The following CWF19L1 variants were observed in gnomAD, a reference collection of about 807,000 sequenced individuals.
CWF19L1 encodes CWF19 like cell cycle control factor 1, also known as CWF19-like protein 1.
CWF19L1 carries 60 observed loss-of-function variants against 69.7 expected under a neutral mutation model. That is an observed-to-expected ratio of 0.86 (90% confidence interval 0.70 to 1.07). The LOEUF is 1.07. Ranked by LOEUF, CWF19L1 falls within the 50% of genes least tolerant of loss-of-function variation. CWF19L1 has a pLI of 0.00. For missense variants in CWF19L1, 591 were observed against 638.9 expected (o/e 0.92, Z 0.81); for synonymous variants, 209 against 222.2 (o/e 0.94, Z 0.53).
At chr10:100,253,584 A>G in intron 5 of CWF19L1, 45 bp from the exon 6 acceptor site, 1 of 1,030,854 alleles carries the variant, frequency 9.7e-7, no homozygotes. Flanking sequence ...AAAAGTTATC[A>G]AGAAATGCAA....
intron 12 of CWF19L1, among the ~76,000 whole-genome samples, chr10:100,236,121 T>A (rs991975504): frequency 2.0e-5 from 3 of 150,520 alleles, no homozygotes; most frequent in East Asian, 1.9e-4. Context: ...TTTTTTTTTT[T>A]AGAGACAGGG....
At chr10:100,261,137 C>A (rs565636646) in intron 2 of CWF19L1, 93 bp from the exon 3 acceptor site, 4 of 808,500 alleles carry the variant, frequency 4.9e-6, no homozygotes, top group East Asian at 2.8e-5. Context: ...TTAATAGTTT[C>A]AAATCAGTTT....
At chr10:100,251,742 A>G (rs964908686) in intron 6 of CWF19L1, among the ~76,000 whole-genome samples, 2 of 151,982 alleles carry the variant, frequency 1.3e-5, no homozygotes, top group Admixed American at 1.3e-4. Flanking sequence ...CGATCTCCTG[A>G]CCTCATGATC....
chr10:100,238,072 A>T lies in CWF19L1; in HGVS notation c.1204T>A (p.Trp402Arg), dbSNP rs756456791. The change falls in exon 11 of 14, where the codon TGG becomes AGG. Residue 402 changes from tryptophan to arginine, a missense_variant. By Grantham distance (101) the Trp-to-Arg change is moderately radical. Around this residue, in one of 3 missense-constraint regions of CWF19L1, gnomAD observed 458 missense variants for 489.3 expected, o/e 0.94. Coordinates refer to ENST00000354105, the MANE Select transcript of CWF19L1 (RefSeq NM_018294.6). Reference protein sequence around the residue: ...LRRFFKSRGKWCVVFERNYKS... With the variant: ...LRRFFKSRGKRCVVFERNYKS... ...TAATTTCTCTCAAATACAACACACC[A>T]TTTCCCTCGACTCTTAAAGAACCGT... 7 of 1,613,962 alleles carry T rather than the reference A, an allele frequency of 4.3e-6. No homozygotes were observed. The highest frequency in any genetic ancestry group is 5.9e-6 in the Non-Finnish European group (7 of 1,180,030).
Position 100,233,296 on chromosome 10 carries a change from T to C in CWF19L1, c.1548A>G (p.Glu516=), listed in dbSNP as rs373003829. The change falls in exon 14 of 14, where the codon GAA becomes GAG. Residue 516 remains glutamate, a synonymous_variant. Coordinates refer to ENST00000354105, the MANE Select transcript of CWF19L1 (RefSeq NM_018294.6). ...SDWRQCQISK[E]DEETLARRFR... ...AGCGGCGAGCCAGGGTCTCCTCGTC[T>C]TCCTTGCTGATCTGACACTGCCTCC... 1 of 1,613,992 alleles carries C rather than the reference T, an allele frequency of 6.2e-7. No individual in the cohort carries two copies. The highest frequency in any genetic ancestry group is 1.3e-5 in the African/African-American group (1 of 74,932).
intron 10 of CWF19L1, among the ~76,000 whole-genome samples, chr10:100,241,364 C>G (rs762147221): frequency 6.6e-6 from 1 of 152,104 alleles, no homozygotes; most frequent in Non-Finnish European, 1.5e-5. Context: ...GTGGAAACAA[C>G]ACAGGCAGAA....
chr10:100,253,669 T>C (rs535397861), intron 5 of CWF19L1, 130 bp from the exon 6 acceptor site: 15 of 585,452 alleles, frequency 2.6e-5, no homozygotes, highest in East Asian at 5.7e-5. Flanking sequence ...GAACTGCACA[T>C]TGAATTTCAT....
At chr10:100,251,897 TTC>T (rs1351340827) in intron 6 of CWF19L1, among the ~76,000 whole-genome samples, 2 of 152,196 alleles carry the variant, frequency 1.3e-5, no homozygotes, top group Non-Finnish European at 2.9e-5. Flanking sequence ...TTCCCAAAAC[TTC>T]TGTTTTCGCA....
At chr10:100,250,813 T>G (rs1252250528) in intron 6 of CWF19L1, among the ~76,000 whole-genome samples, 1 of 151,978 alleles carries the variant, frequency 6.6e-6, no homozygotes, top group Non-Finnish European at 1.5e-5. Flanking sequence ...CTGGGCATGG[T>G]GGTGCATACC....
At position 100,262,131 on chromosome 10, in the gene CWF19L1, C is replaced by T. The variant is rs149885165; in HGVS notation, c.24-68G>A. On this transcript the variant is annotated intron_variant, in intron 1 of 13. Coordinates refer to ENST00000354105, the MANE Select transcript of CWF19L1 (RefSeq NM_018294.6). Reference sequence around the variant, plus strand: ...ATGGGCCTGCCGGGTTTGGTATATACTGGTCTTTTGGATTAGATAGATACA... The same window carrying T: ...ATGGGCCTGCCGGGTTTGGTATATATTGGTCTTTTGGATTAGATAGATACA... 1,263 of 1,554,788 alleles carry T rather than the reference C, an allele frequency of 8.1e-4. 10 individuals carry two copies. In the African/African-American group the frequency reaches 0.015, roughly 18 times the overall value.
intron 1 of CWF19L1, among the ~76,000 whole-genome samples, chr10:100,263,270 G>C (rs1847465907): frequency 6.6e-6 from 1 of 152,074 alleles, no homozygotes; most frequent in South Asian, 2.1e-4. Flanking sequence ...CTTTCTCCAA[G>C]TTTTCTTAAC....
chr10:100,236,372 G>A (rs934305873), intron 12 of CWF19L1, among the ~76,000 whole-genome samples: 32 of 152,048 alleles, frequency 2.1e-4, no homozygotes, highest in African/African-American at 7.7e-4. Flanking sequence ...GCCTCCCAAA[G>A]TGTTGGATTA....
chr10:100,253,043 A>G (rs1330255636), intron 6 of CWF19L1, among the ~76,000 whole-genome samples: 1 of 152,126 alleles, frequency 6.6e-6, no homozygotes, highest in East Asian at 1.9e-4. Flanking sequence ...GGGGCTCCCT[A>G]TGTTGCCCAG....
chr10:100,255,715 A>C (rs1255290302), intron 5 of CWF19L1, among the ~76,000 whole-genome samples: 1 of 149,242 alleles, frequency 6.7e-6, no homozygotes. Context: ...GTGAGCAGAG[A>C]TGGCGCCACT....
intron 1 of CWF19L1, among the ~76,000 whole-genome samples, chr10:100,265,376 A>G (rs1259559047): frequency 1.3e-5 from 2 of 151,962 alleles, no homozygotes; most frequent in Admixed American, 1.3e-4. Flanking sequence ...CATAAAGTCT[A>G]CAATACTGTA....
Position 100,253,481 on chromosome 10 carries a change from A to G in CWF19L1, c.563T>C (p.Leu188Ser), listed in dbSNP as rs1847109706. Residue 188 changes from leucine to serine, a missense_variant, in exon 6 of 14, where the codon TTG becomes TCG. By Grantham distance (145) the Leu-to-Ser change is moderately radical (BLOSUM62 -2). This residue lies in a region of CWF19L1 where 458 missense variants were observed against 489.3 expected (regional missense o/e 0.94). Coordinates refer to ENST00000354105, the MANE Select transcript of CWF19L1 (RefSeq NM_018294.6). ...SALVSSLATG[L>S]KPRYHFAALE... The stretch of plus-strand genomic sequence containing the variant: ...AGCAGCAAAATGGTATCTTGGTTTC[A>G]AGCCCGTGGCAAGACTGGAAACCAA... 4 of 1,614,132 alleles carry G rather than the reference A, an allele frequency of 2.5e-6. No homozygotes were observed. Among genetic ancestry groups the G allele is most frequent in the Non-Finnish European group, 2.5e-6 (3 of 1,179,962 alleles).
chr10:100,234,927 C>T (rs148767174), intron 13 of CWF19L1, among the ~76,000 whole-genome samples: 2 of 152,328 alleles, frequency 1.3e-5, no homozygotes, highest in Non-Finnish European at 2.9e-5. Flanking sequence ...TGAGGTCCAA[C>T]AGGCCTGGGT....
chr10:100,261,356 G>T (rs1312937109), intron 2 of CWF19L1, among the ~76,000 whole-genome samples: 1 of 152,144 alleles, frequency 6.6e-6, no homozygotes, highest in Non-Finnish European at 1.5e-5. Context: ...GCCATTCATG[G>T]CTCTCTCCAC....
chr10:100,235,183 G>A (rs951158442), intron 13 of CWF19L1, among the ~76,000 whole-genome samples: 2 of 152,172 alleles, frequency 1.3e-5, no homozygotes, highest in African/African-American at 2.4e-5. Flanking sequence ...AAAGTCTACC[G>A]GGCACTGCTC....
Sources: allele counts gnomAD v4.1 joint callset (sites outside exome capture counted in the v4.1 genomes callset), GRCh38; gene constraint gnomAD v4.1.1; regional missense constraint gnomAD v4.1.1; transcripts MANE v1.5; gene names NCBI Gene and HGNC (gene_info 2026-07-23, HGNC 2026-07-21).